Variants in ERBB4 observed in about 807,000 individuals in gnomAD.
ERBB4 encodes erb-b2 receptor tyrosine kinase 4.
Under a neutral mutation model 158.0 loss-of-function variants are expected in ERBB4, and 42 were observed. That is an observed-to-expected ratio of 0.27 (90% CI 0.21 to 0.34). ERBB4 has a LOEUF of 0.34. Among genes scored for constraint, ERBB4 ranks in the 10% least tolerant of loss-of-function variants. ERBB4 has a pLI of 1.00. For synonymous variants in ERBB4, 583 were observed against 558.7 expected, an observed-to-expected ratio of 1.04 and a Z score of -0.61; for missense variants, 1,333 against 1,624.1, an observed-to-expected ratio of 0.82 and a Z score of 3.08.
At chr2:211,592,149 C>T (rs971674106) in intron 19 of ERBB4, among the ~76,000 whole-genome samples, 1 of 151,970 alleles carries the variant, frequency 6.6e-6, no homozygotes, top group African/African-American at 2.4e-5. Flanking sequence ...GATGCAGGGG[C>T]TTTAAGACTA....
At chr2:211,475,503 G>A (rs1307330411) in intron 20 of ERBB4, among the ~76,000 whole-genome samples, 1 of 151,990 alleles carries the variant, frequency 6.6e-6, no homozygotes, top group Non-Finnish European at 1.5e-5. Context: ...AGAAATACCT[G>A]ATCAATGGAC....
intron 3 of ERBB4, among the ~76,000 whole-genome samples, chr2:211,789,627 T>C (rs777723577): frequency 5.9e-5 from 9 of 152,118 alleles, no homozygotes; most frequent in African/African-American, 1.7e-4. Context: ...GGTGGAAATA[T>C]TGCTACTGGG....
At chr2:211,832,118 C>T (rs2077234530) in intron 3 of ERBB4, among the ~76,000 whole-genome samples, 1 of 152,086 alleles carries the variant, frequency 6.6e-6, no homozygotes, top group Admixed American at 6.6e-5. Context: ...TATAAAAATT[C>T]ATATAGCTAC....
At chr2:211,400,949 A>C (rs753094400) in intron 25 of ERBB4, among the ~76,000 whole-genome samples, 1 of 152,130 alleles carries the variant, frequency 6.6e-6, no homozygotes, top group Non-Finnish European at 1.5e-5. Context: ...ATTTTTAAAA[A>C]GTTTAAACCA....
At chr2:212,179,564 G>A (rs966605605) in intron 1 of ERBB4, among the ~76,000 whole-genome samples, 1 of 151,566 alleles carries the variant, frequency 6.6e-6, no homozygotes, top group African/African-American at 2.4e-5. Flanking sequence ...TGTTGGGTGT[G>A]AGAATTAGAG....
chr2:212,288,151 G>A (rs2086068156), intron 1 of ERBB4, among the ~76,000 whole-genome samples: 1 of 152,140 alleles, frequency 6.6e-6, no homozygotes, highest in African/African-American at 2.4e-5. Context: ...ATGAGACATG[G>A]TTTCAGCCCT....
chr2:212,189,108 T>A (rs1281909230), intron 1 of ERBB4, among the ~76,000 whole-genome samples: 1 of 150,770 alleles, frequency 6.6e-6, no homozygotes, highest in African/African-American at 2.4e-5. Flanking sequence ...TTTTGAATAT[T>A]TGCATAATAC....
chr2:211,691,912 T>C (rs925625489), intron 12 of ERBB4, among the ~76,000 whole-genome samples: 8 of 152,164 alleles, frequency 5.3e-5, no homozygotes, highest in African/African-American at 1.9e-4. Context: ...ATTTTTAGGA[T>C]TTTGTGTTTT....
intron 20 of ERBB4, among the ~76,000 whole-genome samples, chr2:211,452,964 G>T (rs2064287455): frequency 1.3e-5 from 2 of 152,164 alleles, no homozygotes; most frequent in Admixed American, 6.5e-5. Flanking sequence ...TAGTTAGAAA[G>T]AAGCCATTGA....
chr2:211,471,711 C>T (rs552915373), intron 20 of ERBB4, among the ~76,000 whole-genome samples: 2 of 152,070 alleles, frequency 1.3e-5, no homozygotes, highest in Non-Finnish European at 2.9e-5. Flanking sequence ...GTGGTTGAAC[C>T]CAGTCTCCAT....
intron 3 of ERBB4, among the ~76,000 whole-genome samples, chr2:211,868,483 C>T (rs903817083): frequency 6.6e-6 from 1 of 152,030 alleles, no homozygotes; most frequent in Admixed American, 6.6e-5. Context: ...TCTTATAAAC[C>T]TTTTAAACTA....
At chr2:211,488,563 A>G (rs1424126829) in intron 20 of ERBB4, among the ~76,000 whole-genome samples, 1 of 152,114 alleles carries the variant, frequency 6.6e-6, no homozygotes, top group Non-Finnish European at 1.5e-5. Flanking sequence ...CTAGTTTCTC[A>G]ATTAAAAGCA....
intron 20 of ERBB4, among the ~76,000 whole-genome samples, chr2:211,462,657 C>T (rs991079902): frequency 6.6e-6 from 1 of 152,102 alleles, no homozygotes; most frequent in African/African-American, 2.4e-5. Flanking sequence ...TTATAATGGG[C>T]TGTTACACTT....
At chr2:212,059,875 G>C (rs1333738589) in intron 2 of ERBB4, among the ~76,000 whole-genome samples, 1 of 152,182 alleles carries the variant, frequency 6.6e-6, no homozygotes, top group Non-Finnish European at 1.5e-5. Context: ...TCAGGACACA[G>C]GCATGGGCAA....
intron 3 of ERBB4, among the ~76,000 whole-genome samples, chr2:211,850,714 A>G (rs2077697236): frequency 6.6e-6 from 1 of 151,902 alleles, no homozygotes; most frequent in Non-Finnish European, 1.5e-5. Context: ...TAGGTATTTG[A>G]CATGTAGGGT....
chr2:212,522,096 A>G (rs1404272038), intron 1 of ERBB4, among the ~76,000 whole-genome samples: 1 of 152,010 alleles, frequency 6.6e-6, no homozygotes, highest in East Asian at 1.9e-4. Context: ...GTTTTCATTT[A>G]TCGCCATATA....
chr2:212,197,721 A>C (rs1007888355), intron 1 of ERBB4, among the ~76,000 whole-genome samples: 2 of 152,104 alleles, frequency 1.3e-5, no homozygotes, highest in African/African-American at 2.4e-5. Flanking sequence ...GTGAGCTGGA[A>C]ATTTATGTTT....
At chr2:212,076,296 T>C (rs2078271745) in intron 2 of ERBB4, among the ~76,000 whole-genome samples, 1 of 152,052 alleles carries the variant, frequency 6.6e-6, no homozygotes, top group Admixed American at 6.6e-5. Context: ...ATTTGACAAT[T>C]ATCTTCCATG....
chr2:212,300,269 A>G (rs188468713), intron 1 of ERBB4, among the ~76,000 whole-genome samples: 79 of 151,674 alleles, frequency 5.2e-4, no homozygotes, highest in African/African-American at 1.8e-3. Context: ...CAACTTGCAC[A>G]CTATGCTTTC....
Sources: allele counts gnomAD v4.1 joint callset (sites outside exome capture counted in the v4.1 genomes callset), GRCh38; gene constraint gnomAD v4.1.1; transcripts MANE v1.5; gene names NCBI Gene and HGNC (gene_info 2026-07-23, HGNC 2026-07-21).